CHRM3: variants seen among roughly 807,000 people sequenced by gnomAD.
CHRM3 encodes the protein muscarinic acetylcholine receptor M3.
A neutral mutation model predicts 41.8 loss-of-function variants in CHRM3; 11 were observed. That is an observed-to-expected ratio of 0.26 (90% CI 0.17 to 0.44). The LOEUF is 0.44. Among genes scored for constraint, CHRM3 ranks in the 20% least tolerant of loss-of-function variants. The pLI is 1.00. For missense variants in CHRM3, 571 were observed against 745.4 expected (o/e 0.77, Z 2.72); for synonymous variants, 297 against 301.4 (o/e 0.99, Z 0.15).
intron 1 of CHRM3, among the ~76,000 whole-genome samples, chr1:239,389,877 C>A (rs1204259215): frequency 6.6e-6 from 1 of 152,212 alleles, no homozygotes; most frequent in Middle Eastern, 3.4e-3. Context: ...GTTTGCAGTG[C>A]CGGGAAGTTT....
rs1664672769 is a variant in CHRM3, at chr1:239,739,637, A to G, written c.-147+61349A>G. 2.0e-5 allele frequency among the ~76,000 whole-genome samples: 3 copies of G among 152,120 alleles called. No homozygotes were observed. The South Asian group carries it at 6.2e-4, about 32-fold the overall frequency. ...TCTGAAGAGTTCAGCATCGTATTAT[A>G]TGCTCAGATAGCCTCAGTCACATGC... On this transcript the variant is annotated intron_variant, in intron 5 of 6. Transcript: ENST00000676153.
intron 5 of CHRM3, among the ~76,000 whole-genome samples, chr1:239,815,871 C>T (rs1671535588): frequency 1.3e-5 from 2 of 152,184 alleles, no homozygotes; most frequent in African/African-American, 4.8e-5. Context: ...TAACTCTTCT[C>T]CAGATGAATG....
chr1:239,472,661 T>G lies in CHRM3; in HGVS notation c.-520-20048T>G, dbSNP rs536580942. Among the ~76,000 whole-genome samples the G allele has an allele frequency of 3.5e-5, 5 of 143,630 alleles. No homozygotes were observed. The East Asian group carries it at 8.2e-4, about 24-fold the overall frequency. 94.2% of individuals were successfully genotyped at this position (143,630 alleles called of 152,430 possible). On this transcript the variant is annotated intron_variant, in intron 1 of 6. Transcript: ENST00000676153. The stretch of plus-strand genomic sequence containing the variant: ...AACACCACATGTTCTCACTTATAAG[T>G]GGGAGCTGAACAATGAGAACACATA...
At chr1:239,737,165 T>C (rs1345643132) in intron 5 of CHRM3, among the ~76,000 whole-genome samples, 1 of 152,182 alleles carries the variant, frequency 6.6e-6, no homozygotes, top group East Asian at 1.9e-4. Flanking sequence ...CTAAATCTAC[T>C]TAAAACCATT....
chr1:239,556,420 T>C (rs1457146305), intron 3 of CHRM3, among the ~76,000 whole-genome samples: 1 of 152,134 alleles, frequency 6.6e-6, no homozygotes, highest in African/African-American at 2.4e-5. Flanking sequence ...GACAACACAG[T>C]GTTGAGGTAG....
intron 6 of CHRM3, among the ~76,000 whole-genome samples, chr1:239,852,661 A>T (rs1674789956): frequency 6.6e-6 from 1 of 152,128 alleles, no homozygotes; most frequent in Non-Finnish European, 1.5e-5. Flanking sequence ...GTCTTGGATT[A>T]TGAACAGCCA....
intron 2 of CHRM3, among the ~76,000 whole-genome samples, chr1:239,531,136 C>T (rs915253272): frequency 6.6e-6 from 1 of 151,266 alleles, no homozygotes; most frequent in Non-Finnish European, 1.5e-5. Context: ...ACAAGCTGAC[C>T]CAAAAATTTA....
At chr1:239,580,704 T>TATATATATATATACACACACACAC (rs570878631) in intron 3 of CHRM3, among the ~76,000 whole-genome samples, 2 of 131,084 alleles carry the variant, frequency 1.5e-5, no homozygotes, top group African/African-American at 5.7e-5. Context: ...TATATATATA[T>TATATATATATATACACACACACAC]ACACACACAC....
intron 1 of CHRM3, among the ~76,000 whole-genome samples, chr1:239,485,390 T>C (rs577696536): frequency 6.6e-6 from 1 of 152,288 alleles, no homozygotes; most frequent in South Asian, 2.1e-4. Context: ...CTCAGCTTTC[T>C]GGGCTCAAGC....
At chr1:239,744,619 A>C (rs1175798794) in intron 5 of CHRM3, among the ~76,000 whole-genome samples, 1 of 152,186 alleles carries the variant, frequency 6.6e-6, no homozygotes, top group Non-Finnish European at 1.5e-5. Flanking sequence ...ATGTTCACTG[A>C]GACTGGGAAG....
intron 5 of CHRM3, chr1:239,727,762 T>C (rs1191919763): frequency 2.6e-5 from 4 of 151,888 alleles, no homozygotes; most frequent in African/African-American, 9.7e-5. Flanking sequence ...CCCACATGTG[T>C]TCCTTGGAGT....
intron 5 of CHRM3, among the ~76,000 whole-genome samples, chr1:239,772,106 G>T (rs1197395787): frequency 6.6e-6 from 1 of 152,120 alleles, no homozygotes; most frequent in Non-Finnish European, 1.5e-5. Flanking sequence ...TGAGAGGGGT[G>T]GGTATGAAGA....
At chr1:239,390,138 G>T (rs976907739) in intron 1 of CHRM3, among the ~76,000 whole-genome samples, 1 of 152,152 alleles carries the variant, frequency 6.6e-6, no homozygotes, top group Non-Finnish European at 1.5e-5. Context: ...TAAGACTATT[G>T]TAAAAGGTAT....
At chr1:239,600,567 G>A (rs528242519) in intron 3 of CHRM3, among the ~76,000 whole-genome samples, 25 of 152,182 alleles carry the variant, frequency 1.6e-4, no homozygotes, top group African/African-American at 6.0e-4. Flanking sequence ...GAAAAGAAGG[G>A]TAAAATGATG....
intron 1 of CHRM3, among the ~76,000 whole-genome samples, chr1:239,473,036 G>GT (rs1035333737): frequency 3.9e-5 from 6 of 152,004 alleles, no homozygotes; most frequent in African/African-American, 1.2e-4. Context: ...AAAAAGAACA[G>GT]TTTTTTTAAA....
At chr1:239,824,442 T>C (rs984220381) in intron 5 of CHRM3, among the ~76,000 whole-genome samples, 15 of 152,236 alleles carry the variant, frequency 9.9e-5, no homozygotes, top group African/African-American at 3.6e-4. Flanking sequence ...ATTTCATTTA[T>C]GGCTGGCATA....
At chr1:239,594,150 A>C (rs1664520573) in intron 3 of CHRM3, among the ~76,000 whole-genome samples, 1 of 152,170 alleles carries the variant, frequency 6.6e-6, no homozygotes, top group South Asian at 2.1e-4. Context: ...TAACATTTGG[A>C]AATCAAAAGT....
intron 4 of CHRM3, among the ~76,000 whole-genome samples, chr1:239,662,893 C>CTTCTTCTTCTTCTTCTTCTTCTTCTTCT (rs1553356875): frequency 4.3e-5 from 2 of 46,400 alleles, no homozygotes; most frequent in African/African-American, 1.6e-4. Context: ...CTTCCTCCTC[C>CTTCTTCTTCTTCTTCTTCTTCTTCTTCT]TCTTCTTCTT....
chr1:239,695,023 T>C (rs558727427), intron 5 of CHRM3, among the ~76,000 whole-genome samples: 2 of 152,332 alleles, frequency 1.3e-5, no homozygotes, highest in Admixed American at 6.5e-5. Context: ...TACAATTTTA[T>C]TTTTTTGAGA....
Sources: gnomAD v4.1 joint callset for allele counts (sites outside exome capture counted in the v4.1 genomes callset) on GRCh38, gnomAD v4.1.1 for gene constraint, MANE v1.5 for transcripts, NCBI Gene and HGNC (gene_info 2026-07-23, HGNC 2026-07-21) for gene names.